RSRP1: variants seen among roughly 807,000 people sequenced by gnomAD.
RSRP1 encodes the protein arginine/serine-rich protein 1.
Under a neutral mutation model 33.0 loss-of-function variants are expected in RSRP1, and 37 were observed. The observed-to-expected ratio is 1.12, with a 90% CI of 0.86 to 1.48. RSRP1 has a LOEUF of 1.48. Among genes scored for constraint, RSRP1 ranks in the 40% most tolerant of loss-of-function variants. RSRP1 has a pLI of 0.00. For synonymous variants in RSRP1, 167 were observed against 158.7 expected, an observed-to-expected ratio of 1.05 and a Z score of -0.40; for missense variants, 402 against 385.3, an observed-to-expected ratio of 1.04 and a Z score of -0.36.
At position 25,289,598 on chromosome 1, in the gene RSRP1, A is replaced by C. The variant is rs1300176911; in HGVS notation, c.-66-42569T>G. ...TCACTGTTGCTGTGGTTGTAGCATC[A>C]TCATCATTAACTCCCAGAGGGAGGA... On this transcript the variant is annotated intron_variant, in intron 1 of 1. Transcript: ENST00000561867. Among the ~76,000 whole-genome samples, 11 of 127,228 alleles carry C rather than the reference A, an allele frequency of 8.6e-5. 2 individuals carry two copies. The highest frequency in any genetic ancestry group is 9.3e-5 in the Non-Finnish European group (5 of 53,966). The allele number at this position is 127,228 out of a possible 152,430, so 83.5% of individuals were successfully genotyped here.
intron 1 of RSRP1, 129 bp from the exon 2 acceptor site, chr1:25,247,158 G>C: frequency 3.4e-6 from 2 of 585,368 alleles, no homozygotes; most frequent in Non-Finnish European, 5.6e-6. Context: ...GACAGGAACC[G>C]AGCCCTAGAA....
rs1450588096 is a variant in RSRP1, at chr1:25,316,145, A to G, written c.-67+21833T>C. On this transcript the variant is annotated intron_variant, in intron 1 of 1. Transcript: ENST00000561867. ...CTGGGACAATCACATTCAGCATCCA[A>G]GGGCCCCCGTAATAGCTTAATGTTT... Among the ~76,000 whole-genome samples the G allele has an allele frequency of 1.5e-4, 19 of 131,008 alleles. 2 individuals are homozygous for G. The highest frequency in any genetic ancestry group is 4.4e-4 in the Admixed American group (6 of 13,490). 85.9% of individuals were successfully genotyped at this position (131,008 alleles called of 152,430 possible).
intron 1 of RSRP1, among the ~76,000 whole-genome samples, chr1:25,261,639 C>CAA: frequency 6.6e-6 from 1 of 150,782 alleles, no homozygotes; most frequent in African/African-American, 2.4e-5. Context: ...CTCCTGACCT[C>CAA]GTGATCCACC....
chr1:25,263,162 T>A (rs1640210260), intron 1 of RSRP1, among the ~76,000 whole-genome samples: 1 of 151,696 alleles, frequency 6.6e-6, no homozygotes, highest in African/African-American at 2.4e-5. Context: ...AAGACAAGTG[T>A]GGTGTGTATC....
At chr1:25,250,244 C>T (rs748419171), upstream of RSRP1, among the ~76,000 whole-genome samples, 1 of 152,130 alleles carries the variant, frequency 6.6e-6, no homozygotes, top group South Asian at 2.1e-4. Context: ...TACCTTCCAC[C>T]GAGCACATTC....
intron 1 of RSRP1, among the ~76,000 whole-genome samples, chr1:25,287,125 T>C (rs116688487): frequency 0.013 from 1,715 of 134,498 alleles, 327 homozygotes; most frequent in African/African-American, 0.016. Flanking sequence ...AGTCTATGAG[T>C]TAATTCCCAC....
At chr1:25,311,056 G>T (rs1211328602) in intron 1 of RSRP1, among the ~76,000 whole-genome samples, 1 of 131,570 alleles carries the variant, frequency 7.6e-6, no homozygotes, top group Non-Finnish European at 1.8e-5. Flanking sequence ...GAAGACCCCA[G>T]AACTAGGGAA....
intron 1 of RSRP1, among the ~76,000 whole-genome samples, chr1:25,287,751 T>C (rs1267373709): frequency 7.4e-6 from 1 of 135,382 alleles, no homozygotes; most frequent in Non-Finnish European, 1.8e-5. Context: ...AGACAGGGTC[T>C]TGCTCTGTTG....
intron 1 of RSRP1, among the ~76,000 whole-genome samples, chr1:25,285,134 ATTT>A (rs869147845): frequency 2.5e-5 from 3 of 120,740 alleles, no homozygotes; most frequent in African/African-American, 3.0e-5. Flanking sequence ...GAGACATTCT[ATTT>A]TTTTTTTTTT....
intron 2 of RSRP1, chr1:25,245,947 T>C (rs913441058): frequency 1.5e-4 from 24 of 157,464 alleles, no homozygotes; most frequent in African/African-American, 5.6e-4. Context: ...TAGTGAGCTA[T>C]GTTGGCCAGG....
intron 1 of RSRP1, among the ~76,000 whole-genome samples, chr1:25,286,476 G>A (rs1642001447): frequency 7.4e-6 from 1 of 135,084 alleles, no homozygotes; most frequent in African/African-American, 2.6e-5. Flanking sequence ...ACAACAGAGT[G>A]AGACCCTGTC....
chr1:25,250,421 T>C (rs1472912228), upstream of RSRP1, among the ~76,000 whole-genome samples: 1 of 152,208 alleles, frequency 6.6e-6, no homozygotes, highest in Non-Finnish European at 1.5e-5. Flanking sequence ...AGAGAGTCAC[T>C]CAGGTTTAAA....
Position 25,280,859 on chromosome 1 carries a change from C to T in RSRP1, c.-66-33830G>A, listed in dbSNP as rs1430829553. ...CTCCTCAGCTCAAGCAATCCTCCCT[C>T]CTTGGCCTCCCAAAGTGCTGGGATT... is the stretch of plus-strand genomic sequence containing the variant. On this transcript the variant is annotated intron_variant, in intron 1 of 1. Coordinates refer to the RSRP1 transcript ENST00000561867. Among the ~76,000 whole-genome samples, 2 of 132,156 alleles carry T rather than the reference C, an allele frequency of 1.5e-5. 1 individual carries two copies. The highest frequency in any genetic ancestry group is 3.6e-5 in the Non-Finnish European group (2 of 55,802). The allele number at this position is 132,156 out of a possible 152,430, so 86.7% of individuals were successfully genotyped here.
At chr1:25,253,908 G>A (rs1639868626) in intron 1 of RSRP1, 2 of 152,344 alleles carry the variant, frequency 1.3e-5, no homozygotes, top group Middle Eastern at 3.4e-3. Context: ...TTTCAGACAG[G>A]ATTAGAGGAG....
rs1571641631 is a variant in RSRP1, at chr1:25,294,761, G to A, written c.-67+43217C>T. 6.9e-6 allele frequency: 3 copies of A among 435,658 alleles called. 1 individual carries two copies. The highest frequency in any genetic ancestry group is 1.3e-5 in the Non-Finnish European group (3 of 226,482). 27.0% of individuals were successfully genotyped at this position (435,658 alleles called of 1,614,324 possible). ...GTCTCCTGCAGGGAGAGGAGAAAAT[G>A]CCTTACTAATTCCTTGTATTTTCTC... is the stretch of plus-strand genomic sequence containing the variant. On this transcript the variant is annotated intron_variant, in intron 1 of 1. Coordinates refer to the RSRP1 transcript ENST00000561867.
At chr1:25,296,285 C>T (rs1642952565) in intron 1 of RSRP1, among the ~76,000 whole-genome samples, 1 of 128,366 alleles carries the variant, frequency 7.8e-6, no homozygotes, top group Non-Finnish European at 1.8e-5. Context: ...CTCCATCAAT[C>T]ACCCAGGCTG....
At chr1:25,293,433 G>A (rs1191990740) in intron 1 of RSRP1, among the ~76,000 whole-genome samples, 4 of 129,678 alleles carry the variant, frequency 3.1e-5, no homozygotes, top group East Asian at 3.9e-4. Flanking sequence ...CCCATTGTGC[G>A]GAAATAACAA....
At chr1:25,247,181 G>A (rs41310386) in intron 1 of RSRP1, 128 bp downstream of exon 1, 1 of 496,648 alleles carries the variant, frequency 2.0e-6, no homozygotes, top group Non-Finnish European at 3.5e-6. Context: ...CCCGCTCGGC[G>A]CCCTGAGGCC....
chr1:25,331,564 ATTTTT>A (rs71014354), intron 1 of RSRP1, among the ~76,000 whole-genome samples: 2 of 74,362 alleles, frequency 2.7e-5, no homozygotes, highest in African/African-American at 8.8e-5. Flanking sequence ...GAAAAATGTG[ATTTTT>A]TTTTTTTTTT....
Sources: gnomAD v4.1 joint callset for allele counts (sites outside exome capture counted in the v4.1 genomes callset) on GRCh38, gnomAD v4.1.1 for gene constraint, MANE v1.5 for transcripts, NCBI Gene and HGNC (gene_info 2026-07-23, HGNC 2026-07-21) for gene names.